SLC71A2: variants seen among roughly 807,000 people sequenced by gnomAD.
The protein encoded by SLC71A2 is hippocampus abundant transcript-like 1.
the SLC71A2 span, among the ~76,000 whole-genome samples, chr9:94,453,626 ATTAGTATTTCTCCAGAG>A: frequency 2.0e-5 from 3 of 152,150 alleles, no homozygotes; most frequent in Non-Finnish European, 4.4e-5. Flanking sequence ...TATTTAAGTG[ATTAGTATTTCTCCAGAG>A]ACTGAGGCTG....
the SLC71A2 span, among the ~76,000 whole-genome samples, chr9:94,417,849 TCCCACCCCA>T: frequency 1.9e-3 from 99 of 51,584 alleles, no homozygotes; most frequent in South Asian, 4.0e-3. Context: ...ATAGGCAAGT[TCCCACCCCA>T]CCCCCCCCCC....
At chr9:94,401,619 G>C in the SLC71A2 span, among the ~76,000 whole-genome samples, 3 of 151,976 alleles carry the variant, frequency 2.0e-5, no homozygotes, top group Non-Finnish European at 4.4e-5. Flanking sequence ...GACAGTTCCA[G>C]GATTGGTCCT....
At chr9:94,456,314 G>A in the SLC71A2 span, 36 of 1,613,868 alleles carry the variant, frequency 2.2e-5, no homozygotes, top group Non-Finnish European at 2.9e-5. Context: ...CTCGTCTCTC[G>A]GAATGCAGAG....
chr9:94,451,643 C>A, the SLC71A2 span: 3 of 508,588 alleles, frequency 5.9e-6, no homozygotes, highest in Non-Finnish European at 1.0e-5. Context: ...CTACCTCAGT[C>A]CCTCACCCCC....
chr9:94,400,877 A>AC, the SLC71A2 span, among the ~76,000 whole-genome samples: 1 of 151,888 alleles, frequency 6.6e-6, no homozygotes, highest in East Asian at 1.9e-4. Context: ...ATTTAACCCT[A>AC]CCCTCCAACT....
the SLC71A2 span, among the ~76,000 whole-genome samples, chr9:94,402,726 C>T: frequency 2.3e-3 from 345 of 152,294 alleles, 1 homozygote; most frequent in African/African-American, 8.1e-3. Flanking sequence ...TCAACTTTTT[C>T]TTGCATGTGG....
At chr9:94,379,825 T>C in the SLC71A2 span, among the ~76,000 whole-genome samples, 2 of 152,226 alleles carry the variant, frequency 1.3e-5, no homozygotes, top group African/African-American at 4.8e-5. Flanking sequence ...TGAACTAGAA[T>C]ATCCAGGAAA....
chr9:94,448,257 T>C, the SLC71A2 span, among the ~76,000 whole-genome samples: 2 of 152,200 alleles, frequency 1.3e-5, no homozygotes, highest in Non-Finnish European at 1.5e-5. Context: ...TCAAAAGCAT[T>C]AATCAAAATC....
At chr9:94,425,509 C>T in the SLC71A2 span, among the ~76,000 whole-genome samples, 1 of 152,008 alleles carries the variant, frequency 6.6e-6, no homozygotes, top group Non-Finnish European at 1.5e-5. Flanking sequence ...AATCATGGGG[C>T]GTTGAAGCTG....
the SLC71A2 span, among the ~76,000 whole-genome samples, chr9:94,415,692 G>A: frequency 1.2e-4 from 18 of 152,034 alleles, no homozygotes; most frequent in African/African-American, 3.9e-4. Flanking sequence ...CATAATGAGC[G>A]CAACTTAGAC....
At chr9:94,442,458 A>C in the SLC71A2 span, among the ~76,000 whole-genome samples, 1 of 152,136 alleles carries the variant, frequency 6.6e-6, no homozygotes, top group Admixed American at 6.5e-5. Flanking sequence ...CATGCCCTAA[A>C]AAGGGGCATC....
At chr9:94,432,940 A>G in the SLC71A2 span, 1 of 389,616 alleles carries the variant, frequency 2.6e-6, no homozygotes, top group Admixed American at 3.2e-5. Flanking sequence ...GCATAAAGGC[A>G]TAATCAGGAA....
At chr9:94,423,417 A>C in the SLC71A2 span, among the ~76,000 whole-genome samples, 4 of 152,156 alleles carry the variant, frequency 2.6e-5, no homozygotes, top group African/African-American at 9.7e-5. Context: ...CGGGCATGGA[A>C]AAAGACATAG....
chr9:94,419,411 A>G, the SLC71A2 span, among the ~76,000 whole-genome samples: 1 of 150,674 alleles, frequency 6.6e-6, no homozygotes, highest in Non-Finnish European at 1.5e-5. Flanking sequence ...CTCCTGCCTC[A>G]GCCTCCCGAG....
At chr9:94,445,451 GGTT>G in the SLC71A2 span, among the ~76,000 whole-genome samples, 38 of 152,046 alleles carry the variant, frequency 2.5e-4, no homozygotes, top group African/African-American at 8.7e-4. Context: ...CTTTTTGCAT[GGTT>G]GTTTTCATCC....
At chr9:94,401,088 CTT>C in the SLC71A2 span, among the ~76,000 whole-genome samples, 4 of 144,712 alleles carry the variant, frequency 2.8e-5, no homozygotes, top group Non-Finnish European at 1.5e-5. Flanking sequence ...TTTTCTTTTC[CTT>C]TTTTTTTTTT....
chr9:94,435,842 C>T, the SLC71A2 span, among the ~76,000 whole-genome samples: 4 of 151,980 alleles, frequency 2.6e-5, no homozygotes, highest in African/African-American at 4.8e-5. Context: ...TTAGTAGAGA[C>T]GGGGTTTCAC....
At chr9:94,429,397 A>G in the SLC71A2 span, 1 of 1,299,580 alleles carries the variant, frequency 7.7e-7, no homozygotes, top group East Asian at 2.5e-5. Context: ...GGTTATTAAA[A>G]GTCACTTTAA....
chr9:94,411,892 A>T, the SLC71A2 span, among the ~76,000 whole-genome samples: 2 of 152,166 alleles, frequency 1.3e-5, no homozygotes, highest in African/African-American at 2.4e-5. Context: ...CCCCTGGCCC[A>T]GAGTTAATTT....
Sources: gnomAD v4.1 joint callset for allele counts (sites outside exome capture counted in the v4.1 genomes callset) on GRCh38, gnomAD v4.1.1 for gene constraint, MANE v1.5 for transcripts, NCBI Gene and HGNC (gene_info 2026-07-23, HGNC 2026-07-21) for gene names.